The following TBC1D5 variants were observed in gnomAD, a reference collection of about 807,000 sequenced individuals.
The protein encoded by TBC1D5 is TBC1 domain family member 5.
TBC1D5 carries 75 observed loss-of-function variants against 100.3 expected under a neutral mutation model. The ratio of observed to expected loss-of-function variants is 0.75; its 90% CI spans 0.62 to 0.91. The LOEUF (loss-of-function observed/expected upper bound fraction) is 0.91, where lower values mean the gene tolerates loss of function less well. TBC1D5 is among the 40% of genes least tolerant of loss of function. The pLI is 0.00. For missense variants in TBC1D5, 910 were observed against 942.4 expected (o/e 0.97, Z 0.45); for synonymous variants, 323 against 325.6 (o/e 0.99, Z 0.09).
At chr3:17,466,768 T>C (rs576504035) in intron 3 of TBC1D5, among the ~76,000 whole-genome samples, 1 of 150,796 alleles carries the variant, frequency 6.6e-6, no homozygotes, top group African/African-American at 2.4e-5. Context: ...CAAAATTACT[T>C]TTTTTTTTAG....
chr3:17,214,474 T>C (rs576516363), intron 17 of TBC1D5, 104 bp from the exon 19 acceptor site: 4 of 1,185,402 alleles, frequency 3.4e-6, no homozygotes, highest in Admixed American at 5.1e-5. Flanking sequence ...TGCCACTAGG[T>C]TGATACTATC....
rs75431411 is a variant in TBC1D5, at chr3:17,400,094, G to A, written c.509+3087C>T. On this transcript the variant is annotated intron_variant, in intron 8 of 21. Transcript: ENST00000253692. ...TGCTTACTGTCTCACCACTCTCCCC[G>A]ACACCACACTAAAATATACAACCTG... Among the ~76,000 whole-genome samples, 524 of 151,762 alleles carry A rather than the reference G, an allele frequency of 3.5e-3. 2 individuals are homozygous for A. Among genetic ancestry groups the A allele is most frequent in the African/African-American group, 0.012 (509 of 41,402 alleles).
At chr3:17,238,529 C>A in intron 16 of TBC1D5, 110 bp from the exon 17 acceptor site, 1 of 1,237,638 alleles carries the variant, frequency 8.1e-7, no homozygotes, top group Non-Finnish European at 1.1e-6. Flanking sequence ...AGGTCATTTA[C>A]TAGACCAGCT....
intron 3 of TBC1D5, among the ~76,000 whole-genome samples, chr3:17,472,784 G>A (rs1184034983): frequency 6.6e-6 from 1 of 152,172 alleles, no homozygotes; most frequent in African/African-American, 2.4e-5. Context: ...AAACATCTGG[G>A]AGCACATAAG....
intron 1 of TBC1D5, among the ~76,000 whole-genome samples, chr3:17,710,466 A>T (rs1347847696): frequency 6.6e-6 from 1 of 151,992 alleles, no homozygotes; most frequent in Non-Finnish European, 1.5e-5. Flanking sequence ...TGGGAGGCTG[A>T]AGCAGAAGAA....
chr3:17,294,232 T>C (rs1438057672), intron 14 of TBC1D5, among the ~76,000 whole-genome samples: 2 of 150,936 alleles, frequency 1.3e-5, no homozygotes, highest in Admixed American at 6.6e-5. Flanking sequence ...TTACTATGTG[T>C]TTTCAGAGAC....
At chr3:17,467,818 AC>A (rs1168678540) in intron 3 of TBC1D5, among the ~76,000 whole-genome samples, 3 of 152,034 alleles carry the variant, frequency 2.0e-5, no homozygotes, top group Non-Finnish European at 4.4e-5. Context: ...AATTGCTCAA[AC>A]CCGGGAGGCA....
chr3:17,216,234 T>C (rs1266066851), intron 17 of TBC1D5, among the ~76,000 whole-genome samples: 2 of 152,072 alleles, frequency 1.3e-5, no homozygotes, highest in Non-Finnish European at 2.9e-5. Flanking sequence ...AGGATCTGCC[T>C]CAGGTTTTGA....
intron 3 of TBC1D5, chr3:17,465,488 C>G (rs1186569929): frequency 6.5e-6 from 1 of 154,716 alleles, no homozygotes; most frequent in African/African-American, 2.4e-5. Flanking sequence ...AATCTACAGA[C>G]AGTCATTGTG....
intron 2 of TBC1D5, among the ~76,000 whole-genome samples, chr3:17,616,371 T>C (rs555835648): frequency 6.6e-6 from 1 of 152,240 alleles, no homozygotes; most frequent in South Asian, 2.1e-4. Flanking sequence ...TCTGTTGAGT[T>C]GGGGTGGAGA....
intron 3 of TBC1D5, among the ~76,000 whole-genome samples, chr3:17,480,663 C>G (rs2095491353): frequency 6.6e-6 from 1 of 152,064 alleles, no homozygotes; most frequent in Non-Finnish European, 1.5e-5. Context: ...CTACCCACTG[C>G]AGCTCTCCTC....
intron 1 of TBC1D5, among the ~76,000 whole-genome samples, chr3:17,705,372 G>A (rs1488493091): frequency 2.3e-5 from 3 of 127,872 alleles, no homozygotes; most frequent in African/African-American, 5.7e-5. Context: ...CCTCCCGGAC[G>A]GGGTGGCTGC....
At chr3:17,289,465 A>C (rs283913) in intron 15 of TBC1D5, among the ~76,000 whole-genome samples, 64,220 of 151,546 alleles carry the variant, frequency 0.42, 14,320 homozygotes, top group Middle Eastern at 0.5. Context: ...GAAACCCCAT[A>C]TCTACTAAAA....
intron 13 of TBC1D5, among the ~76,000 whole-genome samples, chr3:17,330,354 T>C (rs894519214): frequency 4.6e-5 from 7 of 152,138 alleles, no homozygotes; most frequent in African/African-American, 1.7e-4. Context: ...CTCTCAAATA[T>C]GAGTGCTCCT....
At chr3:17,486,152 G>A (rs1366115864) in intron 3 of TBC1D5, among the ~76,000 whole-genome samples, 1 of 152,150 alleles carries the variant, frequency 6.6e-6, no homozygotes, top group Non-Finnish European at 1.5e-5. Context: ...TTTGAGAAGT[G>A]TCGGTTCATA....
chr3:17,417,036 G>A (rs1238653662), intron 4 of TBC1D5, among the ~76,000 whole-genome samples: 1 of 152,142 alleles, frequency 6.6e-6, no homozygotes, highest in African/African-American at 2.4e-5. Context: ...AAGGTGGGGG[G>A]AAGGGTAAGA....
At chr3:17,492,422 T>G (rs1417791256) in intron 3 of TBC1D5, among the ~76,000 whole-genome samples, 1 of 151,682 alleles carries the variant, frequency 6.6e-6, no homozygotes, top group East Asian at 1.9e-4. Flanking sequence ...TTAAGGGTAT[T>G]AGTGCTATAC....
intron 4 of TBC1D5, among the ~76,000 whole-genome samples, chr3:17,420,377 A>C (rs961876992): frequency 3.3e-5 from 5 of 152,162 alleles, no homozygotes; most frequent in Admixed American, 6.5e-5. Context: ...ACTCCTACTT[A>C]AATATCCTGT....
chr3:17,244,999 G>A lies in TBC1D5; in HGVS notation c.1332-6580C>T, dbSNP rs1039300454. 2.5e-5 allele frequency among the ~76,000 whole-genome samples: 3 copies of A among 121,462 alleles called. No individual in the cohort carries two copies. The Admixed American group carries it at 3.4e-4, about 14-fold the overall frequency. 79.7% of individuals were successfully genotyped at this position (121,462 alleles called of 152,430 possible). Reference sequence around the variant, plus strand: ...CCAGGAGTTCAAGACCAGCCTGGGCGATATAGTGAGACCCTGTCTCTACAA... The same window carrying A: ...CCAGGAGTTCAAGACCAGCCTGGGCAATATAGTGAGACCCTGTCTCTACAA... On this transcript the variant is annotated intron_variant, in intron 16 of 21. Transcript: ENST00000253692.
Sources: allele counts gnomAD v4.1 joint callset (sites outside exome capture counted in the v4.1 genomes callset), GRCh38; gene constraint gnomAD v4.1.1; transcripts MANE v1.5; gene names NCBI Gene and HGNC (gene_info 2026-07-23, HGNC 2026-07-21).